FANCM: variants seen among roughly 807,000 people sequenced by gnomAD.
FANCM encodes Fanconi anemia group M protein.
FANCM carries 140 observed loss-of-function variants against 199.5 expected under a neutral mutation model. The ratio of observed to expected loss-of-function variants is 0.70; its 90% CI spans 0.61 to 0.81. FANCM has a LOEUF of 0.81. Ranked by LOEUF, FANCM falls within the 30% of genes least tolerant of loss-of-function variation. The pLI is 0.00. For synonymous variants in FANCM, 840 were observed against 836.8 expected, an observed-to-expected ratio of 1.00 and a Z score of -0.07; for missense variants, 2,410 against 2,421.4, an observed-to-expected ratio of 1.00 and a Z score of 0.10.
chr14:45,136,185 T>G lies in FANCM; in HGVS notation c.154T>G (p.Ser52Ala), dbSNP rs1885479462. ...AGCAGCAGCGGAGGCTCAGCTGGAG[T>G]CGGACGATGATGTGTTGCTTGTCGC... is the stretch of plus-strand genomic sequence containing the variant. Reference protein sequence around the residue: ...LPAAAEAQLESDDDVLLVAAY... With the variant: ...LPAAAEAQLEADDDVLLVAAY... Residue 52 changes from serine to alanine, a missense_variant, in exon 1 of 23, where the codon TCG (serine) becomes GCG (alanine). Physicochemically the swap from Ser to Ala is moderately conservative, Grantham distance 99. Coordinates refer to ENST00000267430, the MANE Select transcript of FANCM (RefSeq NM_020937.4). 5 of 1,613,658 alleles carry G rather than the reference T, an allele frequency of 3.1e-6. No individual in the cohort carries two copies. Among genetic ancestry groups the G allele is most frequent in the Non-Finnish European group, 4.2e-6 (5 of 1,179,958 alleles).
Position 45,159,180 on chromosome 14 carries a change from A to G in FANCM, c.1481A>G (p.Glu494Gly). 6.2e-7 allele frequency: 1 copy of G among 1,613,446 alleles called. No individual in the cohort carries two copies. Among genetic ancestry groups the G allele is most frequent in the Non-Finnish European group, 8.5e-7 (1 of 1,179,426 alleles). ...SFRDSVQEIA[E>G]MLSQHQPIIR... is the part of the protein sequence containing the mutation. The stretch of plus-strand genomic sequence containing the variant: ...CGAGATAGTGTTCAAGAAATTGCAG[A>G]AATGCTTTCACAGCATCAGCCAATT... The change falls in exon 9 of 23, where the codon GAA becomes GGA. Residue 494 changes from glutamate to glycine, a missense_variant. Glu to Gly is a moderately conservative substitution (Grantham distance 98). Coordinates refer to ENST00000267430, the MANE Select transcript of FANCM (RefSeq NM_020937.4).
chr14:45,181,219 A>G (rs1490568645), intron 14 of FANCM, among the ~76,000 whole-genome samples: 2 of 152,124 alleles, frequency 1.3e-5, no homozygotes, highest in African/African-American at 4.8e-5. Flanking sequence ...AGCAAAAGAT[A>G]TTGTCTTATT....
chr14:45,188,457 AGTTGT>A (rs1889548368), intron 19 of FANCM, among the ~76,000 whole-genome samples: 1 of 152,190 alleles, frequency 6.6e-6, no homozygotes. Context: ...TTTTCATATT[AGTTGT>A]GTTTGTTTAT....
In FANCM at chr14:45,176,269, T is replaced by C. The variant is rs183743307; in HGVS notation, c.3515T>C (p.Leu1172Pro). 2 of 1,614,076 alleles carry C rather than the reference T, an allele frequency of 1.2e-6. No individual in the cohort carries two copies. Among genetic ancestry groups the C allele is most frequent in the Admixed American group, 3.3e-5 (2 of 60,020 alleles). The change falls in exon 14 of 23, where the codon CTG (leucine) becomes CCG (proline). Residue 1172 changes from leucine (L) to proline (P), a missense_variant. Transcript: ENST00000267430. ...SDKTAISETP[L>P]VSQFLISDEL... ...AAAACTGCTATTAGTGAAACGCCTC[T>C]GGTCTCTCAGTTCTTAATTTCTGAT...
Position 45,151,504 on chromosome 14 carries a change from G to A in FANCM, c.1026G>A (p.Arg342=). The change falls in exon 5 of 23, where the codon AGG becomes AGA. Residue 342 remains arginine (R), a synonymous_variant. Coordinates refer to ENST00000267430, the MANE Select transcript of FANCM (RefSeq NM_020937.4). Reference sequence around the variant, plus strand: ...TAATTCTGGCAAGAGATCAGTTTAGGAAAAACCCATCTCCGAATATTGTGG... The same window carrying A: ...TAATTCTGGCAAGAGATCAGTTTAGAAAAAACCCATCTCCGAATATTGTGG... ...YQIILARDQF[R]KNPSPNIVGI... is the part of the protein sequence containing the mutation. 6.2e-7 allele frequency: 1 copy of A among 1,612,786 alleles called. No individual in the cohort carries two copies. Among genetic ancestry groups the A allele is most frequent in the South Asian group, 1.1e-5 (1 of 91,050 alleles).
chr14:45,177,011 T>C (rs1888756084), intron 14 of FANCM, 35 bp downstream of exon 14: 2 of 1,306,164 alleles, frequency 1.5e-6, no homozygotes, highest in Non-Finnish European at 2.2e-6. Context: ...TATAACTCTT[T>C]CTAGAATAAT....
chr14:45,181,741 T>G (rs1417785966), intron 16 of FANCM, 36 bp downstream of exon 16: 5 of 1,339,552 alleles, frequency 3.7e-6, no homozygotes, highest in Middle Eastern at 2.2e-4. Context: ...GTAATCCAAA[T>G]TCCTTTGGAA....
chr14:45,192,638 A>G (rs10220594), intron 20 of FANCM, among the ~76,000 whole-genome samples: 28,968 of 151,924 alleles, frequency 0.19, 3,546 homozygotes, highest in African/African-American at 0.34. Context: ...GCGAGACTCC[A>G]TCTCAAAAAA....
intron 20 of FANCM, among the ~76,000 whole-genome samples, chr14:45,190,044 G>A (rs78491705): frequency 0.019 from 2,947 of 151,406 alleles, 43 homozygotes; most frequent in African/African-American, 0.04. Flanking sequence ...GGGTATGTAA[G>A]TCCTTTTTAT....
At chr14:45,161,565 G>A (rs1171998074) in intron 9 of FANCM, among the ~76,000 whole-genome samples, 2 of 152,108 alleles carry the variant, frequency 1.3e-5, no homozygotes, top group Non-Finnish European at 2.9e-5. Context: ...GATTGCTTGA[G>A]GCCAGGAGTT....
chr14:45,180,612 A>AT (rs1174519063), intron 14 of FANCM, among the ~76,000 whole-genome samples: 1 of 151,678 alleles, frequency 6.6e-6, no homozygotes, highest in African/African-American at 2.4e-5. Context: ...TAATTATTGT[A>AT]TTTTTTGTAG....
At chr14:45,156,934 A>T (rs949768011) in intron 8 of FANCM, among the ~76,000 whole-genome samples, 2 of 151,376 alleles carry the variant, frequency 1.3e-5, no homozygotes, top group East Asian at 1.9e-4. Flanking sequence ...AAAAAAAAAA[A>T]AAAAGGAAAA....
intron 18 of FANCM, among the ~76,000 whole-genome samples, chr14:45,186,699 G>A (rs1485794307): frequency 1.3e-5 from 2 of 152,196 alleles, no homozygotes; most frequent in Non-Finnish European, 2.9e-5. Context: ...ATATAATCCA[G>A]TGGAAGAATG....
At chr14:45,171,553 A>G in intron 12 of FANCM, among the ~76,000 whole-genome samples, 1 of 152,052 alleles carries the variant, frequency 6.6e-6, no homozygotes, top group Non-Finnish European at 1.5e-5. Flanking sequence ...CTTAGCTCTT[A>G]CTTCTAAATG....
Position 45,181,535 on chromosome 14 carries a change from C to T in FANCM, c.4317+11C>T. The T allele has an allele frequency of 1.3e-6, 2 of 1,556,682 alleles. No homozygotes were observed. The highest frequency in any genetic ancestry group is 1.8e-6 in the Non-Finnish European group (2 of 1,127,852). ...TTAAACTCTCCTGAGGTGAGTCATT[C>T]AGTAATCACAATAGTATAATCATAT... is the stretch of plus-strand genomic sequence containing the variant. On this transcript the variant is annotated intron_variant, in intron 15 of 22. Coordinates refer to ENST00000267430, the MANE Select transcript of FANCM (RefSeq NM_020937.4).
At chr14:45,194,950 C>T (rs1594479134) in intron 20 of FANCM, among the ~76,000 whole-genome samples, 1 of 151,860 alleles carries the variant, frequency 6.6e-6, no homozygotes, top group African/African-American at 2.4e-5. Flanking sequence ...GGTTTCACCA[C>T]GTTGGCCAGG....
rs2139103268 is a variant in FANCM, at chr14:45,136,427, C to T, written c.396C>T (p.Phe132=). 4.3e-6 allele frequency: 7 copies of T among 1,614,194 alleles called. No homozygotes were observed. The highest frequency in any genetic ancestry group is 5.9e-6 in the Non-Finnish European group (7 of 1,180,044). ...AVVMYNFYRW[F]PSGKVVFMAP... ...TCATGTACAATTTCTACCGCTGGTTCCCTTCAGGAAAGGTGGTCTTCATGG... is the reference window on the plus strand; with the variant it reads ...TCATGTACAATTTCTACCGCTGGTTTCCTTCAGGAAAGGTGGTCTTCATGG... Residue 132 remains phenylalanine (F), a synonymous_variant, in exon 1 of 23, where the codon TTC becomes TTT. Transcript: ENST00000267430.
At chr14:45,165,373 C>T (rs140738286) in intron 10 of FANCM, among the ~76,000 whole-genome samples, 1 of 152,068 alleles carries the variant, frequency 6.6e-6, no homozygotes, top group African/African-American at 2.4e-5. Flanking sequence ...TGGTGAAACC[C>T]CGTCTCTACT....
At chr14:45,188,744 T>G in intron 19 of FANCM, 58 bp from the exon 20 acceptor site, 1 of 1,298,686 alleles carries the variant, frequency 7.7e-7, no homozygotes, top group Non-Finnish European at 1.1e-6. Flanking sequence ...GAAGTATATT[T>G]TAAATACCTG....
Sources: allele counts gnomAD v4.1 joint callset (sites outside exome capture counted in the v4.1 genomes callset), GRCh38; gene constraint gnomAD v4.1.1; transcripts MANE v1.5; gene names NCBI Gene and HGNC (gene_info 2026-07-23, HGNC 2026-07-21).